Variants in PTPRT observed in about 807,000 individuals in gnomAD.
PTPRT encodes the protein protein tyrosine phosphatase receptor type T.
In PTPRT, 56 loss-of-function variants were observed where a neutral mutation model predicts 176.8. The observed-to-expected ratio is 0.32, with a 90% CI of 0.26 to 0.40. PTPRT has a LOEUF of 0.40. Ranked by LOEUF, PTPRT falls within the 10% of genes least tolerant of loss-of-function variation. PTPRT has a pLI of 1.00. For missense variants in PTPRT, 1,540 were observed against 1,908.2 expected (o/e 0.81, Z 3.60); for synonymous variants, 783 against 739.0 (o/e 1.06, Z -0.96).
intron 2 of PTPRT, among the ~76,000 whole-genome samples, chr20:42,848,302 T>C (rs1393658876): frequency 6.6e-6 from 1 of 152,236 alleles, no homozygotes; most frequent in Non-Finnish European, 1.5e-5. Context: ...GCAAGTATCT[T>C]TTTTGTATAA....
At chr20:42,239,795 C>T (rs565315296) in intron 14 of PTPRT, among the ~76,000 whole-genome samples, 7 of 152,248 alleles carry the variant, frequency 4.6e-5, no homozygotes, top group Non-Finnish European at 8.8e-5. Flanking sequence ...CTTGAGAAAT[C>T]TGGGGAGTCA....
chr20:42,376,264 T>C (rs975936812), intron 9 of PTPRT, among the ~76,000 whole-genome samples: 1 of 152,154 alleles, frequency 6.6e-6, no homozygotes, highest in African/African-American at 2.4e-5. Flanking sequence ...AGTACAAAAC[T>C]GTCTCAGAAA....
rs1983089783 is a variant in PTPRT at position 42,079,354 on chromosome 20, G to A, written c.*1525C>T. The A allele has an allele frequency of 1.9e-5, 4 of 207,572 alleles. No homozygotes were observed. In the Admixed American group the frequency reaches 2.4e-4, roughly 12 times the overall value. The allele number at this position is 207,572 out of a possible 1,614,324, so 12.9% of individuals were successfully genotyped here. A position where few individuals can be genotyped will look rare whatever the true frequency, so the allele number is the denominator to read the frequency against. On this transcript the variant is annotated 3_prime_UTR_variant, in exon 31 of 31. Transcript: ENST00000373187. ...CCATAAAATAATTGCTTGGCTTAGAGAAGATGAAGAAAACAGCACGGAGAA... is the reference window on the plus strand; with the variant it reads ...CCATAAAATAATTGCTTGGCTTAGAAAAGATGAAGAAAACAGCACGGAGAA...
At chr20:42,823,855 T>C (rs943278143) in intron 2 of PTPRT, among the ~76,000 whole-genome samples, 1 of 151,874 alleles carries the variant, frequency 6.6e-6, no homozygotes, top group Non-Finnish European at 1.5e-5. Flanking sequence ...CCTGATGATA[T>C]GATTGAATAC....
chr20:43,044,089 G>A (rs1358917581), intron 1 of PTPRT, among the ~76,000 whole-genome samples: 2 of 152,118 alleles, frequency 1.3e-5, no homozygotes, highest in East Asian at 3.9e-4. Context: ...AGATGGAGCA[G>A]GACCCTGGAG....
chr20:42,700,631 C>T (rs1159422551), intron 6 of PTPRT, among the ~76,000 whole-genome samples: 1 of 152,066 alleles, frequency 6.6e-6, no homozygotes, highest in African/African-American at 2.4e-5. Context: ...TTAACAGGAG[C>T]AGCCAAGAAA....
intron 1 of PTPRT, among the ~76,000 whole-genome samples, chr20:43,094,097 T>C (rs1600708029): frequency 1.3e-5 from 2 of 149,794 alleles, no homozygotes; most frequent in African/African-American, 4.9e-5. Flanking sequence ...CTTTCTTTTT[T>C]TTTTTTTTTT....
chr20:42,566,679 G>C (rs1278047751), intron 7 of PTPRT, among the ~76,000 whole-genome samples: 1 of 152,140 alleles, frequency 6.6e-6, no homozygotes, highest in African/African-American at 2.4e-5. Flanking sequence ...TGTCCACCTA[G>C]GTGACCGAGT....
chr20:42,957,214 G>A (rs963395668), intron 1 of PTPRT, among the ~76,000 whole-genome samples: 4 of 152,114 alleles, frequency 2.6e-5, no homozygotes, highest in African/African-American at 7.2e-5. Flanking sequence ...CAATAAAACA[G>A]AACAATGAAT....
chr20:43,069,251 G>A (rs142281468), intron 1 of PTPRT, among the ~76,000 whole-genome samples: 29 of 152,172 alleles, frequency 1.9e-4, no homozygotes, highest in African/African-American at 6.0e-4. Flanking sequence ...TGGGTCCCTC[G>A]GTTAACGCGC....
chr20:42,208,277 A>T (rs1393201502), intron 15 of PTPRT, among the ~76,000 whole-genome samples: 17 of 144,276 alleles, frequency 1.2e-4, no homozygotes, highest in Non-Finnish European at 2.0e-4. Context: ...GACAGAATCA[A>T]ATTCACACAT....
chr20:42,462,119 G>T (rs2071031470), intron 8 of PTPRT, among the ~76,000 whole-genome samples: 1 of 152,074 alleles, frequency 6.6e-6, no homozygotes, highest in African/African-American at 2.4e-5. Flanking sequence ...AAATATGTGG[G>T]CAACATGTGG....
intron 2 of PTPRT, among the ~76,000 whole-genome samples, chr20:42,840,138 C>A (rs981338480): frequency 6.6e-6 from 1 of 152,094 alleles, no homozygotes; most frequent in African/African-American, 2.4e-5. Flanking sequence ...CTTTCCTTGC[C>A]TCCTCCTAAC....
At chr20:42,277,414 G>T (rs531755005) in intron 13 of PTPRT, among the ~76,000 whole-genome samples, 1 of 152,222 alleles carries the variant, frequency 6.6e-6, no homozygotes, top group East Asian at 1.9e-4. Flanking sequence ...GACGGCTGGC[G>T]CTGGAGACAA....
chr20:42,260,302 G>A (rs2056726745), intron 13 of PTPRT, among the ~76,000 whole-genome samples: 1 of 152,198 alleles, frequency 6.6e-6, no homozygotes, highest in African/African-American at 2.4e-5. Flanking sequence ...TGATGCGGAT[G>A]AAGAGGCTGA....
intron 1 of PTPRT, among the ~76,000 whole-genome samples, chr20:42,935,699 G>C (rs141102699): frequency 1.3e-5 from 2 of 152,020 alleles, no homozygotes; most frequent in Non-Finnish European, 2.9e-5. Context: ...AACATTTCTC[G>C]TCTAGTCCGG....
At chr20:42,275,490 A>G (rs1042766391) in intron 13 of PTPRT, among the ~76,000 whole-genome samples, 3 of 152,172 alleles carry the variant, frequency 2.0e-5, no homozygotes, top group Non-Finnish European at 4.4e-5. Context: ...ACATGCTTGA[A>G]TGGCAAGAGT....
intron 7 of PTPRT, among the ~76,000 whole-genome samples, chr20:42,492,360 A>G (rs2071574720): frequency 1.3e-5 from 2 of 152,166 alleles, no homozygotes; most frequent in African/African-American, 4.8e-5. Flanking sequence ...TGGTGCTATC[A>G]CTACTTTTTA....
Position 43,128,020 on chromosome 20 carries a change from CA to C in PTPRT, c.88+61625del, listed in dbSNP as rs139926041. Reference sequence around the variant, plus strand: ...CTGCCATGGAATAATAAGAGCTTAACAAAAAGCTACTCTTTCCATAGTAGCG... The same window carrying C: ...CTGCCATGGAATAATAAGAGCTTAACAAAAGCTACTCTTTCCATAGTAGCG... On this transcript the variant is annotated intron_variant, in intron 1 of 30. Coordinates refer to ENST00000373187, the MANE Select transcript of PTPRT (RefSeq NM_007050.6). 1.1e-3 allele frequency among the ~76,000 whole-genome samples: 161 copies of C among 152,298 alleles called. 1 individual carries two copies. The East Asian group carries it at 0.029, about 27-fold the overall frequency.
Sources: gnomAD v4.1 joint callset for allele counts (sites outside exome capture counted in the v4.1 genomes callset) on GRCh38, gnomAD v4.1.1 for gene constraint, MANE v1.5 for transcripts, NCBI Gene and HGNC (gene_info 2026-07-23, HGNC 2026-07-21) for gene names.